ARMC1: variants seen among roughly 807,000 people sequenced by gnomAD.
The protein encoded by ARMC1 is armadillo repeat-containing protein 1.
In ARMC1, 16 loss-of-function variants were observed where a neutral mutation model predicts 31.4. That is an observed-to-expected ratio of 0.51 (90% CI 0.34 to 0.77). The LOEUF is 0.77. ARMC1 is among the 30% of genes least tolerant of loss of function. The pLI is 0.01. For synonymous variants in ARMC1, 114 were observed against 118.9 expected, an observed-to-expected ratio of 0.96 and a Z score of 0.27; for missense variants, 259 against 347.5, an observed-to-expected ratio of 0.75 and a Z score of 2.02.
intron 3 of ARMC1, among the ~76,000 whole-genome samples, chr8:65,620,201 T>C (rs2129042951): frequency 6.6e-6 from 1 of 151,318 alleles, no homozygotes; most frequent in Non-Finnish European, 1.5e-5. Flanking sequence ...ATGATGGAAA[T>C]AGTGTCACTA....
intron 3 of ARMC1, among the ~76,000 whole-genome samples, chr8:65,617,491 G>A (rs546021383): frequency 5.3e-5 from 8 of 152,190 alleles, no homozygotes; most frequent in East Asian, 1.9e-4. Context: ...GCGGAAGGCC[G>A]CAGGGTCCTC....
chr8:65,626,899 C>A (rs1377715783), intron 2 of ARMC1, among the ~76,000 whole-genome samples: 1 of 151,862 alleles, frequency 6.6e-6, no homozygotes, highest in African/African-American at 2.4e-5. Flanking sequence ...CCTATCATCC[C>A]AGCTACTTGG....
intron 3 of ARMC1, among the ~76,000 whole-genome samples, chr8:65,616,783 C>T (rs1480881762): frequency 4.6e-5 from 7 of 151,802 alleles, no homozygotes; most frequent in South Asian, 4.2e-4. Context: ...TGCCCAGCCG[C>T]GACCCCGTCT....
At chr8:65,609,133 CTT>C (rs63319761) in intron 4 of ARMC1, among the ~76,000 whole-genome samples, 5,569 of 107,662 alleles carry the variant, frequency 0.052, 140 homozygotes, top group Non-Finnish European at 0.082. Context: ...GGTTTCTGCT[CTT>C]TTTTTTTTTT....
Position 65,627,374 on chromosome 8 carries a change from T to C in ARMC1, c.25A>G (p.Ser9Gly), listed in dbSNP as rs759630183. MNSSTSTM[S>G]EEPDALSVVN... is the part of the protein sequence containing the mutation. Reference sequence around the variant, plus strand: ...ACCGATAGAGCGTCAGGCTCTTCACTCATGGTGGAAGTGGAAGAATTCATC... The same window carrying C: ...ACCGATAGAGCGTCAGGCTCTTCACCCATGGTGGAAGTGGAAGAATTCATC... Residue 9 changes from serine (S) to glycine (G), a missense_variant, in exon 2 of 7, where the codon AGT (serine) becomes GGT (glycine). By Grantham distance (56) the Ser-to-Gly change is moderately conservative (BLOSUM62 0). Around this residue, in one of 3 missense-constraint regions of ARMC1, gnomAD observed 163 missense variants for 186.7 expected, o/e 0.87. Coordinates refer to ENST00000276569, the MANE Select transcript of ARMC1 (RefSeq NM_018120.6). 18 of 1,590,510 alleles carry C rather than the reference T, an allele frequency of 1.1e-5. No homozygotes were observed. The highest frequency in any genetic ancestry group is 1.5e-5 in the Non-Finnish European group (17 of 1,167,544).
intron 3 of ARMC1, among the ~76,000 whole-genome samples, chr8:65,616,336 T>C (rs1288479712): frequency 6.6e-6 from 1 of 152,216 alleles, no homozygotes; most frequent in African/African-American, 2.4e-5. Flanking sequence ...GGTTTCGCTG[T>C]GTTGGCCGGG....
intron 6 of ARMC1, among the ~76,000 whole-genome samples, chr8:65,604,939 G>A (rs1239445058): frequency 6.6e-6 from 1 of 152,208 alleles, no homozygotes; most frequent in East Asian, 1.9e-4. Context: ...AGTAGCAACA[G>A]ACAAGGATTT....
intron 4 of ARMC1, among the ~76,000 whole-genome samples, chr8:65,610,512 TG>T (rs1340088904): frequency 6.6e-6 from 1 of 151,926 alleles, no homozygotes; most frequent in East Asian, 2.0e-4. Flanking sequence ...CTGGCCAACA[TG>T]GCGAAACCCC....
intron 2 of ARMC1, among the ~76,000 whole-genome samples, chr8:65,624,498 C>CAAAAAAAAAA (rs538324950): frequency 2.1e-5 from 2 of 95,414 alleles, no homozygotes; most frequent in Non-Finnish European, 2.1e-5. Flanking sequence ...GACTCCATCT[C>CAAAAAAAAAA]AAAAAAAAAA....
rs532584688 is a variant in ARMC1 at position 65,628,386 on chromosome 8, G to A, written c.-35-953C>T. 6.0e-5 allele frequency among the ~76,000 whole-genome samples: 8 copies of A among 134,402 alleles called. No individual in the cohort carries two copies. The East Asian group carries it at 1.3e-3, about 22-fold the overall frequency. 88.2% of individuals were successfully genotyped at this position (134,402 alleles called of 152,430 possible). ...CTGCCTCAGCCTCCTAGCCACGCCC[G>A]GCTAATTTTTTTTTTTTTTTTTTTT... is the stretch of plus-strand genomic sequence containing the variant. On this transcript the variant is annotated intron_variant, in intron 1 of 6. Coordinates refer to ENST00000276569, the MANE Select transcript of ARMC1 (RefSeq NM_018120.6).
chr8:65,614,060 C>T (rs1178880655), intron 3 of ARMC1, among the ~76,000 whole-genome samples: 1 of 151,978 alleles, frequency 6.6e-6, no homozygotes, highest in East Asian at 1.9e-4. Context: ...TAACATTCAA[C>T]TCTCAATTTG....
At chr8:65,615,891 G>A (rs185679750) in intron 3 of ARMC1, among the ~76,000 whole-genome samples, 203 of 150,764 alleles carry the variant, frequency 1.3e-3, no homozygotes, top group Middle Eastern at 6.8e-3. Flanking sequence ...GCAAGACTCC[G>A]TCACAAAAAA....
At chr8:65,618,308 G>A (rs1585712324) in intron 3 of ARMC1, among the ~76,000 whole-genome samples, 1 of 151,608 alleles carries the variant, frequency 6.6e-6, no homozygotes, top group Non-Finnish European at 1.5e-5. Context: ...GGATCACAAG[G>A]TCAGGAGTCT....
intron 2 of ARMC1, among the ~76,000 whole-genome samples, chr8:65,623,431 A>C (rs922732970): frequency 2.0e-5 from 3 of 151,996 alleles, no homozygotes; most frequent in African/African-American, 7.3e-5. Flanking sequence ...CAACATGGCA[A>C]AACCCCGTTT....
At chr8:65,608,083 G>A (rs746310131) in intron 4 of ARMC1, among the ~76,000 whole-genome samples, 7 of 151,872 alleles carry the variant, frequency 4.6e-5, no homozygotes, top group Non-Finnish European at 1.0e-4. Context: ...CATTCTCCTG[G>A]ATTTTCTATA....
intron 4 of ARMC1, among the ~76,000 whole-genome samples, chr8:65,611,360 T>G (rs1808136608): frequency 6.6e-6 from 1 of 152,202 alleles, no homozygotes; most frequent in African/African-American, 2.4e-5. Context: ...ATTTTAACAA[T>G]CATGTCAAAC....
chr8:65,619,295 G>A (rs2129042801), intron 3 of ARMC1, among the ~76,000 whole-genome samples: 1 of 152,236 alleles, frequency 6.6e-6, no homozygotes, highest in East Asian at 1.9e-4. Flanking sequence ...AGCACTTATA[G>A]AGAGGCCGAG....
In ARMC1 at chr8:65,613,313, T is replaced by C. The variant is rs11559265; in HGVS notation, c.396A>G (p.Gln132=). The stretch of plus-strand genomic sequence containing the variant: ...GTTTGTTTGTAGTTCCCAGAAAAAA[T>C]TGAGCTTTCCTTCGACGTGAATTCA... ...NEMNSRRRKA[Q]FFLGTTNKRA... The change falls in exon 4 of 7, where the codon CAA becomes CAG. Residue 132 remains glutamine (Q), a synonymous_variant. Transcript: ENST00000276569. 0.3 allele frequency: 484,196 copies of C among 1,611,156 alleles called. 75,313 individuals are homozygous for C. Among genetic ancestry groups the C allele is most frequent in the East Asian group, 0.43 (19,263 of 44,744 alleles).
chr8:65,622,206 TA>T, intron 3 of ARMC1, 56 bp downstream of exon 3: 1 of 1,404,280 alleles, frequency 7.1e-7, no homozygotes. Context: ...TGAGGCCCTG[TA>T]AGTAAGTAAT....
Sources: allele counts gnomAD v4.1 joint callset (sites outside exome capture counted in the v4.1 genomes callset), GRCh38; gene constraint gnomAD v4.1.1; regional missense constraint gnomAD v4.1.1; transcripts MANE v1.5; gene names NCBI Gene and HGNC (gene_info 2026-07-23, HGNC 2026-07-21).